UNC13C: variants seen among roughly 807,000 people sequenced by gnomAD.
The protein encoded by UNC13C is unc-13 homolog C.
UNC13C carries 174 observed loss-of-function variants against 245.4 expected under a neutral mutation model. That is an observed-to-expected ratio of 0.71 (90% CI 0.63 to 0.80). The LOEUF is 0.80. UNC13C is among the 30% of genes least tolerant of loss of function. The pLI, the probability that UNC13C is intolerant of heterozygous loss-of-function variation, is 0.00. For missense variants in UNC13C, 2,829 were observed against 2,602.9 expected (o/e 1.09, Z -1.89); for synonymous variants, 992 against 895.1 (o/e 1.11, Z -1.93).
At chr15:53,929,403 A>T in the UNC13C span, among the ~76,000 whole-genome samples, 3 of 152,212 alleles carry the variant, frequency 2.0e-5, no homozygotes, top group Non-Finnish European at 4.4e-5. Flanking sequence ...AATGCCACTA[A>T]GAAAAAATGA....
intron 2 of UNC13C, among the ~76,000 whole-genome samples, chr15:54,075,996 G>T (rs564320517): frequency 6.6e-6 from 1 of 150,502 alleles, no homozygotes; most frequent in South Asian, 2.1e-4. Flanking sequence ...CTAGTTGATT[G>T]CAGTGCACTT....
chr15:53,897,054 A>G, the UNC13C span, among the ~76,000 whole-genome samples: 9 of 152,196 alleles, frequency 5.9e-5, no homozygotes, highest in African/African-American at 2.2e-4. Context: ...CTCATTTTGT[A>G]GAGAAAGTAA....
chr15:54,224,304 A>G (rs2035311996), intron 4 of UNC13C, among the ~76,000 whole-genome samples: 1 of 151,994 alleles, frequency 6.6e-6, no homozygotes, highest in Admixed American at 6.6e-5. Flanking sequence ...GTGTTAAGGT[A>G]TGTTCTTTCT....
the UNC13C span, among the ~76,000 whole-genome samples, chr15:53,953,209 A>G: frequency 6.6e-6 from 1 of 152,302 alleles, no homozygotes; most frequent in South Asian, 2.1e-4. Context: ...CAGAGATCAC[A>G]TTTTATTTCT....
chr15:54,280,318 GT>G (rs1210140208), intron 10 of UNC13C, among the ~76,000 whole-genome samples: 3 of 151,854 alleles, frequency 2.0e-5, no homozygotes, highest in Non-Finnish European at 2.9e-5. Flanking sequence ...TACCCAATGT[GT>G]TAAGTTAAAG....
intron 19 of UNC13C, among the ~76,000 whole-genome samples, chr15:54,418,133 A>C (rs939806510): frequency 6.6e-6 from 1 of 152,144 alleles, no homozygotes; most frequent in East Asian, 1.9e-4. Context: ...ACAACAGAAT[A>C]GTAAAGCTTT....
chr15:54,534,683 G>A (rs970123981), intron 26 of UNC13C, among the ~76,000 whole-genome samples: 1 of 152,082 alleles, frequency 6.6e-6, no homozygotes, highest in Non-Finnish European at 1.5e-5. Flanking sequence ...GGAACCCAAG[G>A]AATCTAATGA....
At position 54,554,072 on chromosome 15, in the gene UNC13C, C is replaced by A. The variant is rs554059469; in HGVS notation, c.5878-1360C>A. Among the ~76,000 whole-genome samples the A allele has an allele frequency of 2.0e-5, 3 of 151,854 alleles. No homozygotes were observed. In the South Asian group the frequency reaches 6.2e-4, roughly 32 times the overall value. ...ATCATGGATCCATGAAACATTATAC[C>A]ATGTTGTTAGCAGTATCCAAAGACA... On this transcript the variant is annotated intron_variant, in intron 28 of 32. Coordinates refer to ENST00000260323, the MANE Select transcript of UNC13C (RefSeq NM_001080534.3).
chr15:54,564,209 T>C (rs1897410803), intron 29 of UNC13C, among the ~76,000 whole-genome samples: 1 of 152,042 alleles, frequency 6.6e-6, no homozygotes, highest in Non-Finnish European at 1.5e-5. Context: ...ACATTTCATA[T>C]TGTAAAATGC....
At chr15:53,875,790 C>G in the UNC13C span, among the ~76,000 whole-genome samples, 3 of 152,156 alleles carry the variant, frequency 2.0e-5, no homozygotes, top group African/African-American at 7.2e-5. Context: ...TCTGTTGTGG[C>G]ATTCTTTACT....
At chr15:54,137,568 G>C (rs1443871933) in intron 2 of UNC13C, among the ~76,000 whole-genome samples, 1 of 152,096 alleles carries the variant, frequency 6.6e-6, no homozygotes, top group African/African-American at 2.4e-5. Context: ...GTATGTTCTA[G>C]TAATTTATCC....
In UNC13C at chr15:54,563,738, T is replaced by A. The variant is rs537189866; in HGVS notation, c.5959-4062T>A. Among the ~76,000 whole-genome samples the A allele has an allele frequency of 2.3e-3, 344 of 152,030 alleles. 1 individual carries two copies. The highest frequency in any genetic ancestry group is 8.0e-3 in the African/African-American group (332 of 41,500). On this transcript the variant is annotated intron_variant, in intron 29 of 32. Coordinates refer to ENST00000260323, the MANE Select transcript of UNC13C (RefSeq NM_001080534.3). ...ACTGCACTGAGCTATGGATAGTGGG[T>A]TTTGTCTAATAATTAAGATATTTAC...
chr15:54,304,398 T>C (rs1444754855), intron 13 of UNC13C, among the ~76,000 whole-genome samples: 2 of 152,086 alleles, frequency 1.3e-5, no homozygotes, highest in Non-Finnish European at 2.9e-5. Flanking sequence ...TACATTTGAT[T>C]TAAAAATATT....
the UNC13C span, among the ~76,000 whole-genome samples, chr15:53,864,676 T>C: frequency 6.6e-6 from 1 of 152,154 alleles, no homozygotes; most frequent in African/African-American, 2.4e-5. Context: ...AAGAAACCGA[T>C]AGTATTTGCA....
chr15:53,919,848 C>A, the UNC13C span, among the ~76,000 whole-genome samples: 1 of 152,046 alleles, frequency 6.6e-6, no homozygotes, highest in African/African-American at 2.4e-5. Flanking sequence ...CAGTCAGACT[C>A]TTGAGTATTT....
At chr15:54,179,445 T>G (rs546971100) in intron 4 of UNC13C, among the ~76,000 whole-genome samples, 6 of 152,134 alleles carry the variant, frequency 3.9e-5, no homozygotes, top group African/African-American at 1.4e-4. Flanking sequence ...TTGAAATACG[T>G]GAAACAGGTT....
chr15:54,515,784 T>G (rs1894947832), intron 24 of UNC13C, among the ~76,000 whole-genome samples: 1 of 152,230 alleles, frequency 6.6e-6, no homozygotes, highest in Non-Finnish European at 1.5e-5. Context: ...TTTGTTCAGC[T>G]AAATTATTTT....
At chr15:54,229,129 T>C (rs527473708) in intron 4 of UNC13C, among the ~76,000 whole-genome samples, 15 of 152,252 alleles carry the variant, frequency 9.9e-5, no homozygotes, top group African/African-American at 3.4e-4. Context: ...CAGGACAGCA[T>C]TGAGTTCCAA....
chr15:54,096,498 T>C (rs1391562778), intron 2 of UNC13C, among the ~76,000 whole-genome samples: 2 of 152,180 alleles, frequency 1.3e-5, no homozygotes, highest in Non-Finnish European at 2.9e-5. Flanking sequence ...TGTCTGTATT[T>C]ACTGTCTCTA....
Sources: gnomAD v4.1 joint callset for allele counts (sites outside exome capture counted in the v4.1 genomes callset) on GRCh38, gnomAD v4.1.1 for gene constraint, MANE v1.5 for transcripts, NCBI Gene and HGNC (gene_info 2026-07-23, HGNC 2026-07-21) for gene names.